Variants in TG observed in about 807,000 individuals in gnomAD.
TG encodes the protein thyroid hormones.
A neutral mutation model predicts 324.7 loss-of-function variants in TG; 270 were observed. The observed-to-expected ratio is 0.83, with a 90% CI of 0.75 to 0.92. TG has a LOEUF of 0.92. Among genes scored for constraint, TG ranks in the 40% least tolerant of loss-of-function variants. The pLI, the probability that TG is intolerant of heterozygous loss-of-function variation, is 0.00. For missense variants in TG, 3,591 were observed against 3,456.4 expected, an observed-to-expected ratio of 1.04 and a Z score of -0.98; for synonymous variants, 1,401 against 1,327.0, an observed-to-expected ratio of 1.06 and a Z score of -1.21.
At chr8:132,869,032 C>T (rs754639594) in intron 2 of TG, among the ~76,000 whole-genome samples, 1 of 152,166 alleles carries the variant, frequency 6.6e-6, no homozygotes, top group Admixed American at 6.5e-5. Flanking sequence ...CTAGAGCAGT[C>T]CCTGCTTAGA....
chr8:133,076,197 G>A (rs894773675), intron 41 of TG: 1 of 152,204 alleles, frequency 6.6e-6, no homozygotes, highest in Non-Finnish European at 1.5e-5. Flanking sequence ...TCACAGAGTG[G>A]ACAGAGCATC....
chr8:133,053,983 A>G (rs992505061), intron 41 of TG, among the ~76,000 whole-genome samples: 11 of 152,148 alleles, frequency 7.2e-5, no homozygotes, highest in Non-Finnish European at 1.5e-4. Context: ...AAACGGGACA[A>G]AGTCACTGGG....
chr8:132,901,215 G>T, intron 15 of TG, 138 bp from the exon 16 acceptor site: 1 of 931,066 alleles, frequency 1.1e-6, no homozygotes, highest in Middle Eastern at 2.9e-4. Context: ...CTCCTGGTGG[G>T]GAGGCAGCCC....
At chr8:133,017,025 A>G (rs189581831) in intron 37 of TG, among the ~76,000 whole-genome samples, 2 of 152,334 alleles carry the variant, frequency 1.3e-5, no homozygotes, top group Non-Finnish European at 2.9e-5. Context: ...ACCCAGGGCA[A>G]CCTTGGCGCA....
At chr8:132,969,836 C>T (rs561279644) in intron 32 of TG, among the ~76,000 whole-genome samples, 1 of 145,810 alleles carries the variant, frequency 6.9e-6, no homozygotes, top group Non-Finnish European at 1.5e-5. Context: ...ATTGCTTGAA[C>T]TCAGGAGGTG....
chr8:133,058,305 G>T (rs1480110590), intron 41 of TG, among the ~76,000 whole-genome samples: 1 of 152,108 alleles, frequency 6.6e-6, no homozygotes, highest in Non-Finnish European at 1.5e-5. Context: ...CACAAACGGG[G>T]TATGACCAGG....
At chr8:133,092,156 G>T (rs574979146) in intron 41 of TG, among the ~76,000 whole-genome samples, 2 of 152,224 alleles carry the variant, frequency 1.3e-5, no homozygotes, top group Non-Finnish European at 2.9e-5. Flanking sequence ...CCTCTGAGAA[G>T]TGGTACCAAT....
rs774900848 is a variant in TG at position 132,893,849 on chromosome 8, C to T, written c.2921C>T (p.Pro974Leu). 16 of 1,613,922 alleles carry T rather than the reference C, an allele frequency of 9.9e-6. No homozygotes were observed. Among genetic ancestry groups the T allele is most frequent in the East Asian group, 4.5e-5 (2 of 44,900 alleles). Reference sequence around the variant, plus strand: ...AGGAATGAGGACCTCGGCCTTCCTCCGCTCTTCCCGCCCCGGGAGGCTTTC... The same window carrying T: ...AGGAATGAGGACCTCGGCCTTCCTCTGCTCTTCCCGCCCCGGGAGGCTTTC... Reference protein sequence around the residue: ...RLRNEDLGLPPLFPPREAFAE... With the variant: ...RLRNEDLGLPLLFPPREAFAE... Residue 974 changes from proline to leucine, a missense_variant, in exon 11 of 48, where the codon CCG (proline) becomes CTG (leucine). Coordinates refer to ENST00000220616, the MANE Select transcript of TG (RefSeq NM_003235.5).
intron 10 of TG, among the ~76,000 whole-genome samples, chr8:132,889,096 G>A (rs867850965): frequency 7.2e-5 from 11 of 152,152 alleles, no homozygotes; most frequent in Non-Finnish European, 4.4e-5. Context: ...TTGGAGAGCC[G>A]GTAATTGAGG....
intron 41 of TG, chr8:133,037,578 T>C (rs961319545): frequency 6.6e-6 from 1 of 152,186 alleles, no homozygotes; most frequent in South Asian, 2.1e-4. Context: ...CACATTTGTT[T>C]ATACATTTTT....
chr8:132,989,447 C>G (rs1262119649), intron 35 of TG, among the ~76,000 whole-genome samples: 1 of 152,232 alleles, frequency 6.6e-6, no homozygotes, highest in Non-Finnish European at 1.5e-5. Context: ...CAGGTTGCTG[C>G]TGGCAGAGCG....
intron 39 of TG, 88 bp downstream of exon 39, chr8:133,019,783 TC>T: frequency 8.8e-7 from 1 of 1,139,072 alleles, no homozygotes; most frequent in Non-Finnish European, 1.3e-6. Context: ...CAGTTCAGTC[TC>T]CTCCTCTGTG....
intron 35 of TG, chr8:132,988,566 G>C (rs1184718170): frequency 3.0e-6 from 1 of 330,296 alleles, no homozygotes; most frequent in Non-Finnish European, 4.3e-6. Context: ...TGACTAGCTA[G>C]ATTTTGAGAA....
intron 29 of TG, 141 bp downstream of exon 29, chr8:132,963,215 C>G (rs2130377164): frequency 1.2e-6 from 1 of 863,088 alleles, no homozygotes; most frequent in Admixed American, 2.0e-5. Flanking sequence ...TCTTTTAACC[C>G]AATTATCCAG....
chr8:133,063,106 C>G (rs1842610557), intron 41 of TG, among the ~76,000 whole-genome samples: 1 of 151,878 alleles, frequency 6.6e-6, no homozygotes, highest in Non-Finnish European at 1.5e-5. Flanking sequence ...GCTGGCCTTG[C>G]CCATTTGCCA....
At chr8:133,065,942 A>T (rs941216976) in intron 41 of TG, among the ~76,000 whole-genome samples, 1 of 152,114 alleles carries the variant, frequency 6.6e-6, no homozygotes, top group Non-Finnish European at 1.5e-5. Context: ...AGCGGGGATG[A>T]GGGGTGCAGA....
At chr8:132,974,620 G>A (rs545585268) in intron 34 of TG, among the ~76,000 whole-genome samples, 9 of 152,278 alleles carry the variant, frequency 5.9e-5, no homozygotes, top group Admixed American at 2.0e-4. Flanking sequence ...TCCCAAAAAT[G>A]ACTAGACAGG....
chr8:132,868,351 T>A, intron 2 of TG, 128 bp downstream of exon 2: 1 of 869,568 alleles, frequency 1.2e-6, no homozygotes, highest in South Asian at 1.4e-5. Context: ...CCACTGTCAT[T>A]TGGAGGTGCC....
intron 29 of TG, chr8:132,964,744 G>C: frequency 1.7e-6 from 1 of 604,912 alleles, no homozygotes; most frequent in Non-Finnish European, 2.9e-6. Context: ...AGCACATGTG[G>C]CTGTGGCCTT....
Sources: allele counts gnomAD v4.1 joint callset (sites outside exome capture counted in the v4.1 genomes callset), GRCh38; gene constraint gnomAD v4.1.1; transcripts MANE v1.5; gene names NCBI Gene and HGNC (gene_info 2026-07-23, HGNC 2026-07-21).